Variants in MAP2K5 observed in about 807,000 individuals in gnomAD.
MAP2K5 encodes mitogen-activated protein kinase kinase 5.
Under a neutral mutation model 83.1 loss-of-function variants are expected in MAP2K5, and 49 were observed. That is an observed-to-expected ratio of 0.59 (90% CI 0.47 to 0.75). The LOEUF (loss-of-function observed/expected upper bound fraction) is 0.75. Ranked by LOEUF, MAP2K5 falls within the 30% of genes least tolerant of loss-of-function variation. The pLI, the probability that MAP2K5 is intolerant of heterozygous loss-of-function variation, is 0.00. For missense variants in MAP2K5, 457 were observed against 557.5 expected (o/e 0.82, Z 1.82); for synonymous variants, 202 against 191.8 (o/e 1.05, Z -0.44).
intron 3 of MAP2K5, among the ~76,000 whole-genome samples, chr15:67,566,641 T>C (rs910002448): frequency 2.0e-5 from 3 of 152,230 alleles, no homozygotes; most frequent in Non-Finnish European, 4.4e-5. Flanking sequence ...AGCCTATATC[T>C]CTGCATAAGA....
Position 67,719,241 on chromosome 15 carries a change from C to T in MAP2K5, c.1045-8675C>T, listed in dbSNP as rs537372307. Among the ~76,000 whole-genome samples the T allele has an allele frequency of 6.6e-6, 1 of 152,198 alleles. No individual in the cohort carries two copies. The highest frequency in any genetic ancestry group is 6.5e-5 in the Admixed American group (1 of 15,282). On this transcript the variant is annotated intron_variant, in intron 16 of 21. Coordinates refer to ENST00000178640, the MANE Select transcript of MAP2K5 (RefSeq NM_145160.3). The surrounding 1 kb of genome is among the most constrained non-coding windows in gnomAD (Gnocchi z 4.6). Reference sequence around the variant, plus strand: ...CTACTGATCAGTCTAAGCAGTGATACGTAAGAGGGCCTTGTCGGTTAAGAC... The same window carrying T: ...CTACTGATCAGTCTAAGCAGTGATATGTAAGAGGGCCTTGTCGGTTAAGAC...
chr15:67,562,126 C>T lies in MAP2K5; in HGVS notation c.185-1157C>T, dbSNP rs2084748987. ...AGAACTGAGGCATCCTGCTGAGAGC[C>T]TGCCCCTTCCAAGTTGTCCCCTTGG... On this transcript the variant is annotated intron_variant, in intron 2 of 21. Coordinates refer to ENST00000178640, the MANE Select transcript of MAP2K5 (RefSeq NM_145160.3). The surrounding 1 kb of genome is among the most constrained non-coding windows in gnomAD (Gnocchi z 4.1). 6.6e-6 allele frequency among the ~76,000 whole-genome samples: 1 copy of T among 152,230 alleles called. No individual in the cohort carries two copies. Among genetic ancestry groups the T allele is most frequent in the Non-Finnish European group, 1.5e-5 (1 of 68,048 alleles).
chr15:67,590,442 C>CTCTCTCTCTCTCTCTCTCTCT (rs2085377738), intron 6 of MAP2K5, among the ~76,000 whole-genome samples: 9 of 5,834 alleles, frequency 1.5e-3, no homozygotes, highest in African/African-American at 3.4e-3. Context: ...TCTCTCCCTC[C>CTCTCTCTCTCTCTCTCTCTCT]CTCCCTCTCT....
At position 67,705,736 on chromosome 15, in the gene MAP2K5, C is replaced by CA. The variant is rs553374032; in HGVS notation, c.1044+2339dup. 7.0e-3 allele frequency among the ~76,000 whole-genome samples: 988 copies of CA among 141,730 alleles called. 3 individuals carry two copies. Among genetic ancestry groups the CA allele is most frequent in the Non-Finnish European group, 6.6e-3 (427 of 64,630 alleles). The allele number at this position is 141,730 out of a possible 152,430, so 93.0% of individuals were successfully genotyped here. A position where few individuals can be genotyped will look rare whatever the true frequency, so the allele number is the denominator to read the frequency against. Reference sequence around the variant, plus strand: ...GTGTAACAAGAGCGAAACTCCATCTCAAAAAAAAAAAGAAAGAAAGCAGAC... The same window carrying CA: ...GTGTAACAAGAGCGAAACTCCATCTCAAAAAAAAAAAAGAAAGAAAGCAGAC... On this transcript the variant is annotated intron_variant, in intron 16 of 21. Coordinates refer to ENST00000178640, the MANE Select transcript of MAP2K5 (RefSeq NM_145160.3).
chr15:67,612,506 T>G (rs1419286314), intron 8 of MAP2K5, among the ~76,000 whole-genome samples: 3 of 152,214 alleles, frequency 2.0e-5, no homozygotes, highest in Non-Finnish European at 2.9e-5. Flanking sequence ...TCATGTGCAG[T>G]GAAGTCACTC....
At chr15:67,590,331 A>G (rs2085372020) in intron 6 of MAP2K5, among the ~76,000 whole-genome samples, 1 of 151,998 alleles carries the variant, frequency 6.6e-6, no homozygotes, top group Non-Finnish European at 1.5e-5. Context: ...CAAATGGAAT[A>G]TGTGTATTTC....
chr15:67,713,542 C>A (rs1293937511), intron 16 of MAP2K5, among the ~76,000 whole-genome samples: 1 of 152,210 alleles, frequency 6.6e-6, no homozygotes, highest in East Asian at 1.9e-4. Context: ...TTGAGACCAG[C>A]CTGGCCAACA....
intron 8 of MAP2K5, among the ~76,000 whole-genome samples, chr15:67,605,874 G>A (rs535293530): frequency 2.6e-5 from 4 of 152,284 alleles, no homozygotes; most frequent in Non-Finnish European, 5.9e-5. Flanking sequence ...GCTACTTTGC[G>A]AGGCTGTACA....
Position 67,543,235 on chromosome 15 carries a change from G to A in MAP2K5, c.-101G>A, listed in dbSNP as rs1332057497. On this transcript the variant is annotated 5_prime_UTR_variant, in exon 1 of 22. Coordinates refer to ENST00000178640, the MANE Select transcript of MAP2K5 (RefSeq NM_145160.3). The surrounding 1 kb of genome is among the most constrained non-coding windows in gnomAD (Gnocchi z 4.3). ...CTCCATTCCCTTGTTTTCACCCTCT[G>A]TCCTCTGCCCGTCACTCCCCTTGTC... The A allele has an allele frequency of 8.2e-7, 1 of 1,214,066 alleles. No individual in the cohort carries two copies. 75.2% of individuals were successfully genotyped at this position (1,214,066 alleles called of 1,614,324 possible). A position where few individuals can be genotyped will look rare whatever the true frequency, so the allele number is the denominator to read the frequency against.
chr15:67,683,426 A>G (rs2087871697), intron 13 of MAP2K5, among the ~76,000 whole-genome samples: 1 of 152,206 alleles, frequency 6.6e-6, no homozygotes, highest in Non-Finnish European at 1.5e-5. Context: ...GGTTTATGAT[A>G]TAAGGTCAAT....
At chr15:67,697,760 T>C (rs993508573) in intron 15 of MAP2K5, among the ~76,000 whole-genome samples, 2 of 152,054 alleles carry the variant, frequency 1.3e-5, no homozygotes, top group African/African-American at 4.8e-5. Flanking sequence ...TACTCAAATA[T>C]GAAAAAGAAA....
chr15:67,670,582 C>A, intron 13 of MAP2K5: 1 of 362,568 alleles, frequency 2.8e-6, no homozygotes. Context: ...GAAGTTTTCC[C>A]TGCCAAAAGG....
intron 3 of MAP2K5, among the ~76,000 whole-genome samples, chr15:67,578,668 C>T (rs1422970767): frequency 6.6e-6 from 1 of 151,538 alleles, no homozygotes; most frequent in Non-Finnish European, 1.5e-5. Flanking sequence ...TTATAGATGG[C>T]TTAAAAATTC....
intron 8 of MAP2K5, among the ~76,000 whole-genome samples, chr15:67,602,816 G>C (rs1184701341): frequency 1.3e-5 from 2 of 152,184 alleles, no homozygotes; most frequent in Non-Finnish European, 2.9e-5. Context: ...ACCATGCCCA[G>C]CTAATTTTTG....
At chr15:67,557,894 G>A (rs1416506388) in intron 2 of MAP2K5, among the ~76,000 whole-genome samples, 1 of 152,162 alleles carries the variant, frequency 6.6e-6, no homozygotes, top group Non-Finnish European at 1.5e-5. Flanking sequence ...TCATTTTTAA[G>A]TAAAACTAGG....
intron 19 of MAP2K5, among the ~76,000 whole-genome samples, chr15:67,761,352 T>C (rs138620743): frequency 6.6e-6 from 1 of 152,328 alleles, no homozygotes; most frequent in African/African-American, 2.4e-5. Context: ...TGTCTGTCTA[T>C]TTTATGAAAC....
At chr15:67,643,133 C>T (rs1001141461) in intron 9 of MAP2K5, among the ~76,000 whole-genome samples, 1 of 151,840 alleles carries the variant, frequency 6.6e-6, no homozygotes, top group East Asian at 1.9e-4. Context: ...CTAGGTATTA[C>T]GATATGAGGC....
At position 67,693,587 on chromosome 15, in the gene MAP2K5, A is replaced by G. The variant is rs751858405; in HGVS notation, c.972+19A>G. 1.9e-5 allele frequency: 30 copies of G among 1,582,562 alleles called. No homozygotes were observed. The highest frequency in any genetic ancestry group is 2.6e-5 in the Non-Finnish European group (30 of 1,152,726). Reference sequence around the variant, plus strand: ...TATGGCGGTAAGTAAACTTATGCAAAAATAATGTTTAAAACCAACATCTTT... The same window carrying G: ...TATGGCGGTAAGTAAACTTATGCAAGAATAATGTTTAAAACCAACATCTTT... On this transcript the variant is annotated intron_variant, in intron 15 of 21. Transcript: ENST00000178640.
chr15:67,662,707 T>C (rs998559957), intron 12 of MAP2K5, among the ~76,000 whole-genome samples: 2 of 152,188 alleles, frequency 1.3e-5, no homozygotes, highest in Non-Finnish European at 2.9e-5. Flanking sequence ...CTTAGGGTCA[T>C]GGAAACATCT....
Sources: allele counts gnomAD v4.1 joint callset (sites outside exome capture counted in the v4.1 genomes callset), GRCh38; gene constraint gnomAD v4.1.1; non-coding constraint Gnocchi (gnomAD v3.1); transcripts MANE v1.5; gene names NCBI Gene and HGNC (gene_info 2026-07-23, HGNC 2026-07-21).